CA10: variants seen among roughly 807,000 people sequenced by gnomAD.
The protein encoded by CA10 is carbonic anhydrase 10 (inactive), also known as carbonic anhydrase-related protein 10.
Under a neutral mutation model 44.2 loss-of-function variants are expected in CA10, and 14 were observed. The ratio of observed to expected loss-of-function variants is 0.32; its 90% CI spans 0.21 to 0.50. The LOEUF (loss-of-function observed/expected upper bound fraction) is 0.50, where lower values mean the gene tolerates loss of function less well. Among genes scored for constraint, CA10 ranks in the 20% least tolerant of loss-of-function variants. The pLI is 0.99. For synonymous variants in CA10, 159 were observed against 141.6 expected (o/e 1.12, Z -0.87); for missense variants, 350 against 409.7 (o/e 0.85, Z 1.26).
intron 4 of CA10, among the ~76,000 whole-genome samples, chr17:51,726,810 A>G (rs972517792): frequency 1.3e-5 from 2 of 152,242 alleles, no homozygotes; most frequent in Admixed American, 6.5e-5. Flanking sequence ...ATGAGCCAGA[A>G]AAAGACTTTA....
chr17:51,665,235 G>T (rs1390842677), intron 4 of CA10, among the ~76,000 whole-genome samples: 2 of 152,282 alleles, frequency 1.3e-5, no homozygotes, highest in Non-Finnish European at 2.9e-5. Flanking sequence ...TTAATAAGCA[G>T]AAACACACAC....
At chr17:51,994,439 A>G (rs930582776) in intron 2 of CA10, among the ~76,000 whole-genome samples, 4 of 152,056 alleles carry the variant, frequency 2.6e-5, no homozygotes, top group South Asian at 2.1e-4. Flanking sequence ...CAACTCTAAT[A>G]TAAGGAGTTT....
chr17:51,660,258 C>T (rs1186583029), intron 4 of CA10, among the ~76,000 whole-genome samples: 1 of 152,164 alleles, frequency 6.6e-6, no homozygotes, highest in African/African-American at 2.4e-5. Context: ...GTCTTGATTC[C>T]ATCCTAAGGG....
chr17:51,759,095 G>A (rs1253346320), intron 3 of CA10, among the ~76,000 whole-genome samples: 1 of 152,190 alleles, frequency 6.6e-6, no homozygotes, highest in Non-Finnish European at 1.5e-5. Flanking sequence ...TAGCCCACTA[G>A]CATGTGGAGA....
At chr17:51,780,967 C>T (rs1392549846) in intron 3 of CA10, among the ~76,000 whole-genome samples, 1 of 152,112 alleles carries the variant, frequency 6.6e-6, no homozygotes, top group Non-Finnish European at 1.5e-5. Flanking sequence ...AAACTATTTA[C>T]AAAAGGAGGC....
chr17:51,941,251 C>T (rs1027412081), intron 2 of CA10, among the ~76,000 whole-genome samples: 2 of 152,104 alleles, frequency 1.3e-5, no homozygotes, highest in African/African-American at 2.4e-5. Context: ...TGGTTTCCTC[C>T]TCAATATTTT....
At chr17:51,987,353 C>T (rs1385645464) in intron 2 of CA10, among the ~76,000 whole-genome samples, 1 of 151,854 alleles carries the variant, frequency 6.6e-6, no homozygotes, top group African/African-American at 2.4e-5. Flanking sequence ...AAGAATGACT[C>T]AGTGGACTTT....
chr17:52,035,813 T>G (rs889702337), intron 2 of CA10, among the ~76,000 whole-genome samples: 3 of 152,214 alleles, frequency 2.0e-5, no homozygotes, highest in Admixed American at 6.5e-5. Flanking sequence ...GCTATGTAAA[T>G]GAGGCATTCC....
chr17:51,901,850 A>G (rs1236009655), intron 3 of CA10, among the ~76,000 whole-genome samples: 1 of 152,198 alleles, frequency 6.6e-6, no homozygotes, highest in Non-Finnish European at 1.5e-5. Context: ...TGTCCTCACA[A>G]CAATCTTACA....
chr17:51,747,540 A>G, intron 4 of CA10, 93 bp downstream of exon 4: 3 of 1,022,698 alleles, frequency 2.9e-6, no homozygotes, highest in Non-Finnish European at 4.3e-6. Flanking sequence ...ATTAGAGCGA[A>G]TCCCTTTGTT....
intron 2 of CA10, among the ~76,000 whole-genome samples, chr17:51,981,153 A>T (rs1260009161): frequency 1.3e-5 from 2 of 152,074 alleles, no homozygotes; most frequent in African/African-American, 4.8e-5. Flanking sequence ...CATAAGATTC[A>T]GCCTTTTCAC....
At chr17:51,928,399 T>C (rs1454964283) in intron 3 of CA10, among the ~76,000 whole-genome samples, 2 of 152,174 alleles carry the variant, frequency 1.3e-5, no homozygotes, top group Admixed American at 6.5e-5. Flanking sequence ...GCTATTCTTG[T>C]ACTGAGGTTG....
At chr17:51,856,474 G>C (rs898990162) in intron 3 of CA10, among the ~76,000 whole-genome samples, 3 of 152,138 alleles carry the variant, frequency 2.0e-5, no homozygotes, top group African/African-American at 7.2e-5. Context: ...TGTAAAGTAA[G>C]TGGCCGCCAA....
At chr17:51,670,446 AG>A (rs35939639) in intron 4 of CA10, among the ~76,000 whole-genome samples, 2,503 of 151,858 alleles carry the variant, frequency 0.016, 54 homozygotes, top group African/African-American at 0.041. Context: ...TTTCTCACCA[AG>A]GATTGTGGGG....
chr17:51,868,137 C>A (rs1979635200), intron 3 of CA10, among the ~76,000 whole-genome samples: 1 of 151,672 alleles, frequency 6.6e-6, no homozygotes, highest in African/African-American at 2.4e-5. Flanking sequence ...GGAAATCATT[C>A]ATCTTATCTG....
intron 4 of CA10, among the ~76,000 whole-genome samples, chr17:51,713,730 G>C (rs979008687): frequency 3.9e-5 from 6 of 152,128 alleles, no homozygotes; most frequent in Non-Finnish European, 8.8e-5. Context: ...GGCCCTGGGG[G>C]GCACCAATCC....
chr17:51,637,879 C>G (rs1912904217), intron 6 of CA10, among the ~76,000 whole-genome samples: 1 of 152,222 alleles, frequency 6.6e-6, no homozygotes, highest in Non-Finnish European at 1.5e-5. Context: ...CAGTGTTAAG[C>G]TCTGGGGACA....
At chr17:52,133,976 A>G (rs1210347847) in intron 1 of CA10, among the ~76,000 whole-genome samples, 1 of 152,216 alleles carries the variant, frequency 6.6e-6, no homozygotes, top group Admixed American at 6.5e-5. Flanking sequence ...AAGGTGTCTT[A>G]GCATATCATG....
At chr17:51,633,049 T>C (rs1912656809) in intron 8 of CA10, among the ~76,000 whole-genome samples, 2 of 152,220 alleles carry the variant, frequency 1.3e-5, no homozygotes, top group Non-Finnish European at 2.9e-5. Flanking sequence ...CTTTTCACTG[T>C]CCTGTTCTAA....
Sources: allele counts gnomAD v4.1 joint callset (sites outside exome capture counted in the v4.1 genomes callset), GRCh38; gene constraint gnomAD v4.1.1; transcripts MANE v1.5; gene names NCBI Gene and HGNC (gene_info 2026-07-23, HGNC 2026-07-21).